Variants in TMEM259 observed in about 807,000 individuals in gnomAD.
The protein encoded by TMEM259 is transmembrane protein 259.
Under a neutral mutation model 46.7 loss-of-function variants are expected in TMEM259, and 26 were observed. That is an observed-to-expected ratio of 0.56 (90% confidence interval 0.41 to 0.77). The LOEUF (loss-of-function observed/expected upper bound fraction) is 0.77. Among genes scored for constraint, TMEM259 ranks in the 30% least tolerant of loss-of-function variants. The pLI is 0.00. For synonymous variants in TMEM259, 494 were observed against 395.1 expected, an observed-to-expected ratio of 1.25 and a Z score of -2.97; for missense variants, 930 against 900.5, an observed-to-expected ratio of 1.03 and a Z score of -0.42.
chr19:1,017,467 C>G (rs1172333092), intron 1 of TMEM259: 1 of 399,460 alleles, frequency 2.5e-6, no homozygotes, highest in African/African-American at 2.1e-5. Context: ...ACACCCCACC[C>G]CATCCCACTG....
chr19:1,015,208 G>A (rs147996248), intron 1 of TMEM259, among the ~76,000 whole-genome samples: 2,440 of 152,352 alleles, frequency 0.016, 29 homozygotes, highest in South Asian at 0.04. Context: ...ACGGCAGGGC[G>A]AGGCTGCCGT....
chr19:1,012,392 G>A (rs762698818), intron 4 of TMEM259, 71 bp downstream of exon 4: 7 of 1,526,196 alleles, frequency 4.6e-6, no homozygotes, highest in Non-Finnish European at 6.1e-6. Flanking sequence ...TCCCGCACCA[G>A]CAGGAGGAGA....
At chr19:1,014,099 C>A (rs900845550) in intron 2 of TMEM259, 93 bp downstream of exon 2, 96 of 1,481,192 alleles carry the variant, frequency 6.5e-5, no homozygotes, top group Non-Finnish European at 8.4e-5. Flanking sequence ...GTCAAGAACC[C>A]CAACATCCTG....
rs1467618185 is a variant in TMEM259, at chr19:1,010,767, C to T, written c.1446G>A (p.Met482Ile). Residue 482 changes from methionine (M) to isoleucine (I), a missense_variant, in exon 11 of 11, where the codon ATG becomes ATA. Met to Ile is a conservative substitution (Grantham distance 10). Transcript: ENST00000356663. ...PGTPTALPDDMNNNSGAPATA... is the reference protein window; with the variant it reads ...PGTPTALPDDINNNSGAPATA... ...TAGCCGGGGCGCCCGAGTTGTTGTT[C>T]ATGTCATCGGGCAGCGCCGTGGGGG... 1 of 1,548,190 alleles carries T rather than the reference C, an allele frequency of 6.5e-7. No individual in the cohort carries two copies. The highest frequency in any genetic ancestry group is 8.7e-7 in the Non-Finnish European group (1 of 1,155,066).
At chr19:1,011,820 CGCTATGAGGG>C (rs1386879150) in intron 6 of TMEM259, 22 bp from the exon 7 acceptor site, 1 of 1,586,476 alleles carries the variant, frequency 6.3e-7, no homozygotes, top group African/African-American at 1.4e-5. Flanking sequence ...GCGCAGGAAG[CGCTATGAGGG>C]GCTGCGAGGG....
Position 1,011,102 on chromosome 19 carries a change from G to A in TMEM259, c.1311C>T (p.Phe437=), listed in dbSNP as rs760478869. The A allele has an allele frequency of 1.3e-6, 2 of 1,591,094 alleles. No homozygotes were observed. Among genetic ancestry groups the A allele is most frequent in the African/African-American group, 1.3e-5 (1 of 74,350 alleles). Residue 437 remains phenylalanine, a synonymous_variant, in exon 10 of 11, where the codon TTC becomes TTT. Coordinates refer to ENST00000356663, the MANE Select transcript of TMEM259 (RefSeq NM_001033026.2). ...CTTGCCGCCCAGGCCTCACCTGGAT[G>A]AAGAGCCAGGAGGTGACCAGGGCCA... ...SSLALVTSWL[F]IQHSMIYFFH... is the part of the protein sequence containing the mutation.
Position 1,014,175 on chromosome 19 carries a change from G to A in TMEM259, c.507+17C>T. The A allele has an allele frequency of 6.3e-7, 1 of 1,597,706 alleles. No homozygotes were observed. Among genetic ancestry groups the A allele is most frequent in the Non-Finnish European group, 8.6e-7 (1 of 1,167,308 alleles). Reference sequence around the variant, plus strand: ...GGGCGCTGGCCTCTGCTGCAGCTGAGCCCAGGCCTGGCTCACCTTGATGGA... The same window carrying A: ...GGGCGCTGGCCTCTGCTGCAGCTGAACCCAGGCCTGGCTCACCTTGATGGA... On this transcript the variant is annotated intron_variant, in intron 2 of 10. Transcript: ENST00000356663.
chr19:1,012,030 G>A (rs773574166), intron 5 of TMEM259, 36 bp downstream of exon 5: 55 of 1,611,426 alleles, frequency 3.4e-5, no homozygotes, highest in Non-Finnish European at 4.5e-5. Context: ...GCCCCCACCC[G>A]CGCCCTCGCA....
Position 1,012,010 on chromosome 19 carries a change from G to C in TMEM259, c.842-18C>G. ...CAGGAAGCCTGCAGCAGAAGGAGCC[G>C]TGAGCGCCCGCCCCCACCCGCGCCC... is the stretch of plus-strand genomic sequence containing the variant. On this transcript the variant is annotated intron_variant, in intron 5 of 10. Coordinates refer to ENST00000356663, the MANE Select transcript of TMEM259 (RefSeq NM_001033026.2). 6.2e-7 allele frequency: 1 copy of C among 1,611,684 alleles called. No individual in the cohort carries two copies. The highest frequency in any genetic ancestry group is 8.5e-7 in the Non-Finnish European group (1 of 1,179,334).
Position 1,010,175 on chromosome 19 carries a change from A to G in TMEM259, c.*175T>C. On this transcript the variant is annotated 3_prime_UTR_variant, in exon 11 of 11. Transcript: ENST00000356663. ...CTAGCGGGTACAAGCCTCGGGCGCG[A>G]CCTCACACCAGGGGGAGGAAAGCCG... The G allele has an allele frequency of 1.7e-6, 1 of 598,222 alleles. No individual in the cohort carries two copies. The highest frequency in any genetic ancestry group is 2.5e-5 in the South Asian group (1 of 39,306). 37.1% of individuals were successfully genotyped at this position (598,222 alleles called of 1,614,324 possible).
At position 1,020,790 on chromosome 19, in the gene TMEM259, C is replaced by T. The variant is rs900441667; in HGVS notation, c.207G>A (p.Glu69=). The change falls in exon 1 of 11, where the codon GAG becomes GAA. Residue 69 remains glutamate (E), a synonymous_variant. Coordinates refer to ENST00000356663, the MANE Select transcript of TMEM259 (RefSeq NM_001033026.2). The surrounding 1 kb of genome is among the most constrained non-coding windows in gnomAD (Gnocchi z 4.0). ...CGGTCACCTTGAGCAGCACGAAGAA[C>T]TCGAAGAGACGGCGGAAGGCGGGCG... is the stretch of plus-strand genomic sequence containing the variant. ...LFPPAFRRLF[E]FFVLLKALFV... is the part of the protein sequence containing the mutation. 1 of 1,350,160 alleles carries T rather than the reference C, an allele frequency of 7.4e-7. No homozygotes were observed. The highest frequency in any genetic ancestry group is 9.6e-7 in the Non-Finnish European group (1 of 1,046,616). 83.6% of individuals were successfully genotyped at this position (1,350,160 alleles called of 1,614,324 possible).
intron 9 of TMEM259, 86 bp from the exon 10 acceptor site, chr19:1,011,281 C>T (rs531795094): frequency 9.1e-6 from 14 of 1,537,808 alleles, no homozygotes; most frequent in African/African-American, 8.2e-5. Context: ...GCAGCCACCA[C>T]CCCCGCCTCC....
chr19:1,010,971 C>A, intron 10 of TMEM259, 76 bp from the exon 11 acceptor site: 2 of 1,553,728 alleles, frequency 1.3e-6, no homozygotes, highest in South Asian at 1.2e-5. Context: ...GGGCAGCCCA[C>A]CCGGGACCAT....
At chr19:1,014,545 G>C in intron 1 of TMEM259, 72 bp from the exon 2 acceptor site, 1 of 502,950 alleles carries the variant, frequency 2.0e-6, no homozygotes. Context: ...CCTACGTGAT[G>C]GGGCGTGATG....
In TMEM259 at chr19:1,009,909, G is replaced by A; in HGVS notation, c.*441C>T. 1 of 350,508 alleles carries A rather than the reference G, an allele frequency of 2.9e-6. No homozygotes were observed. The highest frequency in any genetic ancestry group is 5.2e-6 in the Non-Finnish European group (1 of 193,908). The allele number at this position is 350,508 out of a possible 1,614,324, so 21.7% of individuals were successfully genotyped here. ...AGCCTGGCGCACACGCGGGGAGGGC[G>A]GGGCCATGGAGAAGGCACTGCAGGG... On this transcript the variant is annotated 3_prime_UTR_variant, in exon 11 of 11. Coordinates refer to ENST00000356663, the MANE Select transcript of TMEM259 (RefSeq NM_001033026.2).
Position 1,020,383 on chromosome 19 carries a change from G to A in TMEM259, c.225+389C>T, listed in dbSNP as rs1349103748. On this transcript the variant is annotated intron_variant, in intron 1 of 10. Coordinates refer to ENST00000356663, the MANE Select transcript of TMEM259 (RefSeq NM_001033026.2). The surrounding 1 kb of genome is among the most constrained non-coding windows in gnomAD (Gnocchi z 4.0). ...GCGGCACAGTCAGGGGTCAAAGGGCGGGAGGTGCTACCTCGCAGGCCAGGA... is the reference window on the plus strand; with the variant it reads ...GCGGCACAGTCAGGGGTCAAAGGGCAGGAGGTGCTACCTCGCAGGCCAGGA... Among the ~76,000 whole-genome samples the A allele has an allele frequency of 6.6e-6, 1 of 152,188 alleles. No homozygotes were observed. The highest frequency in any genetic ancestry group is 2.4e-5 in the African/African-American group (1 of 41,446).
chr19:1,021,024 C>A lies in TMEM259; in HGVS notation c.-28G>T. 1 of 1,350,038 alleles carries A rather than the reference C, an allele frequency of 7.4e-7. No homozygotes were observed. Among genetic ancestry groups the A allele is most frequent in the Non-Finnish European group, 9.6e-7 (1 of 1,039,778 alleles). The allele number at this position is 1,350,038 out of a possible 1,614,324, so 83.6% of individuals were successfully genotyped here. On this transcript the variant is annotated 5_prime_UTR_variant, in exon 1 of 11. Transcript: ENST00000356663. The stretch of plus-strand genomic sequence containing the variant: ...CTCCCAGCGTCGCGCCCTAACGACC[C>A]GCAAGTGTCCGAGGGCGCCTCCCGG...
Position 1,012,556 on chromosome 19 carries a change from A to G in TMEM259, c.625T>C (p.Tyr209His). The change falls in exon 4 of 11, where the codon TAC becomes CAC. Residue 209 changes from tyrosine to histidine, a missense_variant. Coordinates refer to ENST00000356663, the MANE Select transcript of TMEM259 (RefSeq NM_001033026.2). ...TPTKVWPQDE[Y>H]IVEYSLEYGF... ...TACTCTAGTGAGTACTCCACGATGTACTCGTCCTGCGGCCACACTGCAGGG... is the reference window on the plus strand; with the variant it reads ...TACTCTAGTGAGTACTCCACGATGTGCTCGTCCTGCGGCCACACTGCAGGG... 6.3e-7 allele frequency: 1 copy of G among 1,590,064 alleles called. No homozygotes were observed. The highest frequency in any genetic ancestry group is 8.6e-7 in the Non-Finnish European group (1 of 1,169,380).
In TMEM259 at chr19:1,021,047, C is replaced by A; in HGVS notation, c.-51G>T. ...CCCGCAAGTGTCCGAGGGCGCCTCC[C>A]GGCCGCCATCGGCCGCCCTCGCAGC... On this transcript the variant is annotated 5_prime_UTR_variant, in exon 1 of 11. Transcript: ENST00000356663. 4 of 1,288,740 alleles carry A rather than the reference C, an allele frequency of 3.1e-6. No homozygotes were observed. The highest frequency in any genetic ancestry group is 3.9e-5 in the South Asian group (2 of 51,076). The allele number at this position is 1,288,740 out of a possible 1,614,324, so 79.8% of individuals were successfully genotyped here.
Sources: allele counts gnomAD v4.1 joint callset (sites outside exome capture counted in the v4.1 genomes callset), GRCh38; gene constraint gnomAD v4.1.1; non-coding constraint Gnocchi (gnomAD v3.1); transcripts MANE v1.5; gene names NCBI Gene and HGNC (gene_info 2026-07-23, HGNC 2026-07-21).